The following ARID2 variants were observed in gnomAD, a reference collection of about 807,000 sequenced individuals.
ARID2 encodes the protein AT-rich interactive domain-containing protein 2.
A neutral mutation model predicts 184.6 loss-of-function variants in ARID2; 32 were observed. The observed-to-expected ratio is 0.17, with a 90% CI of 0.13 to 0.23. ARID2 has a LOEUF of 0.23. Ranked by LOEUF, ARID2 falls within the 10% of genes least tolerant of loss-of-function variation. The pLI, the probability that ARID2 is intolerant of heterozygous loss-of-function variation, is 1.00. For missense variants in ARID2, 1,696 were observed against 2,197.6 expected, an observed-to-expected ratio of 0.77 and a Z score of 4.56; for synonymous variants, 836 against 772.6, an observed-to-expected ratio of 1.08 and a Z score of -1.36.
chr12:45,843,185 A>G (rs1943383164), intron 11 of ARID2, among the ~76,000 whole-genome samples: 1 of 151,238 alleles, frequency 6.6e-6, no homozygotes, highest in African/African-American at 2.5e-5. Context: ...AGATATTAAC[A>G]AGATATGAGT....
chr12:45,826,600 G>A (rs1046442931), intron 6 of ARID2, among the ~76,000 whole-genome samples: 1 of 151,612 alleles, frequency 6.6e-6, no homozygotes, highest in South Asian at 2.1e-4. Flanking sequence ...TTATTTTTTT[G>A]TAGAGATAGA....
chr12:45,815,320 A>G (rs1942786426), intron 4 of ARID2, among the ~76,000 whole-genome samples: 1 of 152,174 alleles, frequency 6.6e-6, no homozygotes, highest in Non-Finnish European at 1.5e-5. Context: ...TATTTATTTT[A>G]TGTTACTTAT....
Position 45,905,556 on chromosome 12 carries a change from T to G in ARID2, c.*478T>G, listed in dbSNP as rs977633166. The G allele has an allele frequency of 2.1e-5, 5 of 233,276 alleles. No individual in the cohort carries two copies. Among genetic ancestry groups the G allele is most frequent in the African/African-American group, 1.1e-4 (5 of 45,338 alleles). The allele number at this position is 233,276 out of a possible 1,614,324, so 14.5% of individuals were successfully genotyped here. A position where few individuals can be genotyped will look rare whatever the true frequency, so the allele number is the denominator to read the frequency against. On this transcript the variant is annotated 3_prime_UTR_variant, in exon 21 of 21. Transcript: ENST00000334344. ...AGTTTCAGCACACCTATACCCCCGA[T>G]CTCAGAGGGGGCCACCAATATCTAG...
In ARID2 at chr12:45,893,430, G is replaced by T; in HGVS notation, c.5158G>T (p.Val1720Leu). The change falls in exon 19 of 21, where the codon GTA becomes TTA. Residue 1720 changes from valine to leucine, a missense_variant. This residue lies in a region of ARID2 where 58 missense variants were observed against 47.1 expected (regional missense o/e 1.23). Coordinates refer to ENST00000334344, the MANE Select transcript of ARID2 (RefSeq NM_152641.4). ...SQKSSTKQPTVGGTSSTPRAQ... is the reference protein window; with the variant it reads ...SQKSSTKQPTLGGTSSTPRAQ... ...CTCTGATCAATTTAGGCAGCCAACT[G>T]TAGGGGGCACAAGCTCAACTCCTAG... The T allele has an allele frequency of 6.2e-7, 1 of 1,612,872 alleles. No homozygotes were observed. The highest frequency in any genetic ancestry group is 8.5e-7 in the Non-Finnish European group (1 of 1,179,386).
chr12:45,894,010 G>A (rs1041514454), intron 20 of ARID2: 3 of 216,888 alleles, frequency 1.4e-5, no homozygotes, highest in Non-Finnish European at 2.7e-5. Flanking sequence ...GGAAACTTAG[G>A]AGTTTATTGG....
intron 18 of ARID2, 35 bp from the exon 19 acceptor site, chr12:45,893,385 A>T (rs2136461981): frequency 6.3e-7 from 1 of 1,575,242 alleles, no homozygotes; most frequent in African/African-American, 1.4e-5. Context: ...GTATCACGTT[A>T]ATTCTCTCTC....
chr12:45,831,752 T>C lies in ARID2; in HGVS notation c.706-4837T>C, dbSNP rs1943127385. On this transcript the variant is annotated intron_variant, in intron 6 of 20. Coordinates refer to ENST00000334344, the MANE Select transcript of ARID2 (RefSeq NM_152641.4). ...TCCTGAGATGTGAATGTTGAAATCA[T>C]CAACTGTAATTATGAATGTTTATAT... Among the ~76,000 whole-genome samples, 3 of 152,210 alleles carry C rather than the reference T, an allele frequency of 2.0e-5. 1 individual carries two copies. The highest frequency in any genetic ancestry group is 4.4e-5 in the Non-Finnish European group (3 of 68,034).
chr12:45,769,479 A>ATG (rs1169327267), intron 3 of ARID2, among the ~76,000 whole-genome samples: 19 of 152,226 alleles, frequency 1.2e-4, no homozygotes, highest in African/African-American at 4.6e-4. Flanking sequence ...AGATAGATCA[A>ATG]CAGAGATTAT....
intron 11 of ARID2, chr12:45,841,192 G>C (rs1039578638): frequency 2.6e-5 from 4 of 152,196 alleles, no homozygotes; most frequent in African/African-American, 9.6e-5. Flanking sequence ...GAATACTCAA[G>C]GGTGATTTGA....
chr12:45,773,884 C>T (rs1189582780), intron 3 of ARID2, among the ~76,000 whole-genome samples: 1 of 152,062 alleles, frequency 6.6e-6, no homozygotes, highest in Non-Finnish European at 1.5e-5. Flanking sequence ...ACAGATGTAC[C>T]TTCTTACAGC....
rs369017913 is a variant in ARID2 at position 45,898,308 on chromosome 12, G to T, written c.5363+4587G>T. On this transcript the variant is annotated intron_variant, in intron 20 of 20. Transcript: ENST00000334344. ...AGGAATGGAGAGTTACTGTTAAGTG[G>T]GTAGAGAGTTCCATTATGAGATGAT... 2.6e-5 allele frequency among the ~76,000 whole-genome samples: 4 copies of T among 152,272 alleles called. No homozygotes were observed. In the South Asian group the frequency reaches 6.2e-4, roughly 24 times the overall value.
chr12:45,862,385 A>G (rs1261775752), intron 16 of ARID2, among the ~76,000 whole-genome samples: 2 of 152,050 alleles, frequency 1.3e-5, no homozygotes, highest in Non-Finnish European at 2.9e-5. Flanking sequence ...ATTTAATTTG[A>G]CCATCTCTTT....
At position 45,850,596 on chromosome 12, in the gene ARID2, T is replaced by A; in HGVS notation, c.2473T>A (p.Ser825Thr). The change falls in exon 15 of 21, where the codon TCA (serine) becomes ACA (threonine). Residue 825 changes from serine to threonine, a missense_variant. Ser to Thr is a moderately conservative substitution (Grantham distance 58, BLOSUM62 1). Around this residue, in one of 11 missense-constraint regions of ARID2, gnomAD observed 713 missense variants for 824.4 expected, o/e 0.86. Transcript: ENST00000334344. Reference sequence around the variant, plus strand: ...ACAGGGTCAACAGTTAATCACCACATCACCCCAACCTGTGCAAACTTCATC... The same window carrying A: ...ACAGGGTCAACAGTTAATCACCACAACACCCCAACCTGTGCAAACTTCATC... ...VSQGQQLITTSPQPVQTSSQQ... is the reference protein window; with the variant it reads ...VSQGQQLITTTPQPVQTSSQQ... 1 of 1,614,036 alleles carries A rather than the reference T, an allele frequency of 6.2e-7. No homozygotes were observed. The highest frequency in any genetic ancestry group is 8.5e-7 in the Non-Finnish European group (1 of 1,179,978).
chr12:45,844,524 G>A (rs1428749768), intron 11 of ARID2, among the ~76,000 whole-genome samples: 1 of 152,124 alleles, frequency 6.6e-6, no homozygotes, highest in Non-Finnish European at 1.5e-5. Flanking sequence ...ATTGTAATAT[G>A]TAAAATACTG....
chr12:45,851,990 T>C lies in ARID2; in HGVS notation c.3867T>C (p.His1289=), dbSNP rs377715085. 30 of 1,613,962 alleles carry C rather than the reference T, an allele frequency of 1.9e-5. No individual in the cohort carries two copies. Among genetic ancestry groups the C allele is most frequent in the Middle Eastern group, 1.6e-4 (1 of 6,082 alleles). The part of the protein sequence containing the change: ...SNGDTKENEM[H]VGSLLNGRKY... ...GGGATACAAAGGAAAATGAAATGCA[T>C]GTGGGAAGTCTTTTAAATGGGAGAA... Residue 1289 remains histidine, a synonymous_variant, in exon 15 of 21, where the codon CAT becomes CAC. Coordinates refer to ENST00000334344, the MANE Select transcript of ARID2 (RefSeq NM_152641.4).
At chr12:45,729,994 CCGGGCA>C in intron 1 of ARID2, 44 bp from the exon 2 acceptor site, 1 of 1,607,208 alleles carries the variant, frequency 6.2e-7, no homozygotes, top group South Asian at 1.1e-5. Flanking sequence ...CCCGCCCGGG[CCGGGCA>C]CGGGGTCCCG....
At chr12:45,743,376 AAG>A (rs1057197350) in intron 3 of ARID2, among the ~76,000 whole-genome samples, 5 of 152,004 alleles carry the variant, frequency 3.3e-5, no homozygotes, top group Admixed American at 6.6e-5. Context: ...CTCAAAAAAA[AAG>A]AGAGACAAAT....
chr12:45,825,828 C>T (rs958542925), intron 6 of ARID2, among the ~76,000 whole-genome samples: 1 of 151,860 alleles, frequency 6.6e-6, no homozygotes, highest in Non-Finnish European at 1.5e-5. Context: ...TGTACCACTG[C>T]ACTCCACCAT....
At chr12:45,749,076 G>A (rs1276968803) in intron 3 of ARID2, among the ~76,000 whole-genome samples, 1 of 152,158 alleles carries the variant, frequency 6.6e-6, no homozygotes, top group African/African-American at 2.4e-5. Context: ...CTTTTCAGAA[G>A]GTTTTCAGAC....
Sources: allele counts gnomAD v4.1 joint callset (sites outside exome capture counted in the v4.1 genomes callset), GRCh38; gene constraint gnomAD v4.1.1; regional missense constraint gnomAD v4.1.1; transcripts MANE v1.5; gene names NCBI Gene and HGNC (gene_info 2026-07-23, HGNC 2026-07-21).